Variants in DHRS11 observed in about 807,000 individuals in gnomAD.
The protein encoded by DHRS11 is dehydrogenase/reductase 11, also known as dehydrogenase/reductase SDR family member 11.
DHRS11 carries 18 observed loss-of-function variants against 30.7 expected under a neutral mutation model. The ratio of observed to expected loss-of-function variants is 0.59; its 90% CI spans 0.41 to 0.87. DHRS11 has a LOEUF of 0.87. Among genes scored for constraint, DHRS11 ranks in the 40% least tolerant of loss-of-function variants. The pLI is 0.00. For missense variants in DHRS11, 300 were observed against 349.0 expected (o/e 0.86, Z 1.12); for synonymous variants, 123 against 139.6 (o/e 0.88, Z 0.84).
intron 2 of DHRS11, 78 bp from the exon 3 acceptor site, chr17:36,598,085 C>T (rs1453407061): frequency 2.1e-6 from 3 of 1,450,422 alleles, no homozygotes; most frequent in South Asian, 1.1e-5. Flanking sequence ...GCCCCCTTCC[C>T]CCCTAGCATT....
At chr17:36,594,428 A>G (rs958346155) in intron 1 of DHRS11, among the ~76,000 whole-genome samples, 3 of 150,846 alleles carry the variant, frequency 2.0e-5, no homozygotes, top group Non-Finnish European at 4.4e-5. Context: ...ACTTGAGTTT[A>G]TTTATTTATT....
At chr17:36,595,540 C>G (rs372302653) in intron 2 of DHRS11, among the ~76,000 whole-genome samples, 4 of 149,478 alleles carry the variant, frequency 2.7e-5, no homozygotes, top group East Asian at 2.0e-4. Context: ...CTGCTTGAGC[C>G]TCCTGAGTAG....
At chr17:36,598,284 A>G in intron 3 of DHRS11, 27 bp downstream of exon 3, 1 of 1,604,616 alleles carries the variant, frequency 6.2e-7, no homozygotes, top group Non-Finnish European at 8.5e-7. Flanking sequence ...AATGGGTACC[A>G]CTCACCCACC....
Position 36,592,192 on chromosome 17 carries a change from G to T in DHRS11, c.147+36G>T. The T allele has an allele frequency of 8.0e-7, 1 of 1,254,432 alleles. No individual in the cohort carries two copies. The allele number at this position is 1,254,432 out of a possible 1,614,324, so 77.7% of individuals were successfully genotyped here. ...GCCGAGGGCGGGGACGTCGCGGGCG[G>T]GTCGTTTCCCCGGAGTCGGGTTCAC... On this transcript the variant is annotated intron_variant, in intron 1 of 6. Transcript: ENST00000618403. This position sits in a 1 kb window ranked among gnomAD's most constrained non-coding sequence, Gnocchi z 4.4.
At chr17:36,598,088 C>A in intron 2 of DHRS11, 75 bp from the exon 3 acceptor site, 1 of 1,485,886 alleles carries the variant, frequency 6.7e-7, no homozygotes, top group Non-Finnish European at 9.4e-7. Context: ...CCCTTCCCCC[C>A]TAGCATTCTG....
Position 36,598,270 on chromosome 17 carries a change from G to A in DHRS11, c.452+13G>A. ...TTAACATCAATAGGTGAGGGCAGGTGGCCAATGGGTACCACTCACCCACCA... is the reference window on the plus strand; with the variant it reads ...TTAACATCAATAGGTGAGGGCAGGTAGCCAATGGGTACCACTCACCCACCA... On this transcript the variant is annotated intron_variant, in intron 3 of 6. Transcript: ENST00000618403. 2 of 1,613,164 alleles carry A rather than the reference G, an allele frequency of 1.2e-6. No homozygotes were observed. Among genetic ancestry groups the A allele is most frequent in the Admixed American group, 1.7e-5 (1 of 59,994 alleles).
In DHRS11 at chr17:36,596,968, A is replaced by G. The variant is rs556865475; in HGVS notation, c.358-1195A>G. 2.0e-4 allele frequency: 91 copies of G among 448,230 alleles called. No homozygotes were observed. The East Asian group carries it at 5.7e-3, about 28-fold the overall frequency. 27.8% of individuals were successfully genotyped at this position (448,230 alleles called of 1,614,324 possible). A position where few individuals can be genotyped will look rare whatever the true frequency, so the allele number is the denominator to read the frequency against. On this transcript the variant is annotated intron_variant, in intron 2 of 6. Coordinates refer to ENST00000618403, the MANE Select transcript of DHRS11 (RefSeq NM_024308.4). The stretch of plus-strand genomic sequence containing the variant: ...CCTGGACCTCAACTCGCCCATCTGT[A>G]AAATGAGGGACTTACATTAAATTCC...
chr17:36,596,763 A>G, intron 2 of DHRS11: 3 of 470,902 alleles, frequency 6.4e-6, no homozygotes, highest in South Asian at 4.6e-5. Context: ...TATCCTGAGA[A>G]GTTGAAAGCA....
At position 36,600,322 on chromosome 17, in the gene DHRS11, G is replaced by A. The variant is rs1599571173; in HGVS notation, c.*119G>A. 2 of 1,218,426 alleles carry A rather than the reference G, an allele frequency of 1.6e-6. No individual in the cohort carries two copies. Among genetic ancestry groups the A allele is most frequent in the Non-Finnish European group, 2.3e-6 (2 of 864,372 alleles). The allele number at this position is 1,218,426 out of a possible 1,614,324, so 75.5% of individuals were successfully genotyped here. Reference sequence around the variant, plus strand: ...CTTCCTGTCCACACCCCGACCAGGGGCTAGAAAATTTGTTTGAGATTTTTA... The same window carrying A: ...CTTCCTGTCCACACCCCGACCAGGGACTAGAAAATTTGTTTGAGATTTTTA... On this transcript the variant is annotated 3_prime_UTR_variant, in exon 7 of 7. Transcript: ENST00000618403.
rs1286650774 is a variant in DHRS11 at position 36,594,951 on chromosome 17, A to G, written c.148-20A>G. The stretch of plus-strand genomic sequence containing the variant: ...GGAGTGAGCTGCTCACCCCAGTCAG[A>G]CCCCTGTTGGGTTTCATAGGAGCTG... On this transcript the variant is annotated intron_variant, in intron 1 of 6. Coordinates refer to ENST00000618403, the MANE Select transcript of DHRS11 (RefSeq NM_024308.4). 1 of 1,613,664 alleles carries G rather than the reference A, an allele frequency of 6.2e-7. No homozygotes were observed. The highest frequency in any genetic ancestry group is 2.2e-5 in the East Asian group (1 of 44,900).
chr17:36,595,493 C>A (rs990295941), intron 2 of DHRS11, among the ~76,000 whole-genome samples: 1 of 138,146 alleles, frequency 7.2e-6, no homozygotes, highest in African/African-American at 2.7e-5. Context: ...GATCTCTGCT[C>A]ACTGCAACTT....
intron 5 of DHRS11, 57 bp from the exon 6 acceptor site, chr17:36,599,915 G>A: frequency 6.3e-7 from 1 of 1,598,716 alleles, no homozygotes; most frequent in Non-Finnish European, 8.5e-7. Context: ...CTCAGTGGTG[G>A]GAGGGAATTT....
At chr17:36,594,907 G>A (rs1336254958) in intron 1 of DHRS11, 64 bp from the exon 2 acceptor site, 1 of 1,574,756 alleles carries the variant, frequency 6.4e-7, no homozygotes, top group African/African-American at 1.3e-5. Flanking sequence ...CGGGGTCTGA[G>A]GCTGGCTAGG....
Position 36,591,938 on chromosome 17 carries a change from G to T in DHRS11, c.-72G>T. 8.2e-7 allele frequency: 1 copy of T among 1,216,564 alleles called. No individual in the cohort carries two copies. The highest frequency in any genetic ancestry group is 1.0e-6 in the Non-Finnish European group (1 of 977,658). The allele number at this position is 1,216,564 out of a possible 1,614,324, so 75.4% of individuals were successfully genotyped here. A position where few individuals can be genotyped will look rare whatever the true frequency, so the allele number is the denominator to read the frequency against. On this transcript the variant is annotated 5_prime_UTR_variant, in exon 1 of 7. Transcript: ENST00000618403. The stretch of plus-strand genomic sequence containing the variant: ...AAGCAGGTCGGCGGCGGCGGCAGGA[G>T]AGCGGCCGGGCGTCAGCTCCTCGAC...
chr17:36,592,623 A>T lies in DHRS11; in HGVS notation c.147+467A>T, dbSNP rs988796874. Among the ~76,000 whole-genome samples the T allele has an allele frequency of 1.3e-5, 2 of 152,184 alleles. No individual in the cohort carries two copies. Among genetic ancestry groups the T allele is most frequent in the African/African-American group, 4.8e-5 (2 of 41,464 alleles). On this transcript the variant is annotated intron_variant, in intron 1 of 6. Transcript: ENST00000618403. The surrounding 1 kb of genome is among the most constrained non-coding windows in gnomAD (Gnocchi z 4.4). ...CGCCCCCTCACCTCGGGGGTAACTCATGCCCAGTGGCATGAGGAATGAATG... is the reference window on the plus strand; with the variant it reads ...CGCCCCCTCACCTCGGGGGTAACTCTTGCCCAGTGGCATGAGGAATGAATG...
At chr17:36,599,575 G>A in intron 4 of DHRS11, 96 bp from the exon 5 acceptor site, 2 of 1,290,768 alleles carry the variant, frequency 1.5e-6, no homozygotes, top group Non-Finnish European at 2.2e-6. Context: ...AGCCATCACT[G>A]TGAAGCTGGG....
chr17:36,595,141 G>T lies in DHRS11; in HGVS notation c.318G>T (p.Leu106=). 2 of 1,613,964 alleles carry T rather than the reference G, an allele frequency of 1.2e-6. No individual in the cohort carries two copies. Among genetic ancestry groups the T allele is most frequent in the East Asian group, 4.5e-5 (2 of 44,880 alleles). Residue 106 remains leucine (L), a synonymous_variant, in exon 2 of 7, where the codon CTG becomes CTT. Coordinates refer to ENST00000618403, the MANE Select transcript of DHRS11 (RefSeq NM_024308.4). The part of the protein sequence containing the change: ...NNAGLARPDT[L]LSGSTSGWKD... ...CTGGCTTGGCCCGGCCTGACACCCT[G>T]CTCTCAGGCAGCACCAGTGGTTGGA...
rs1003107862 is a variant in DHRS11, at chr17:36,596,515, C to G, written c.357+1335C>G. ...AGTCTGATTTTATGTGACACCCCCC[C>G]ACTCCCATTCACTAAAATGACAGCT... On this transcript the variant is annotated intron_variant, in intron 2 of 6. Coordinates refer to ENST00000618403, the MANE Select transcript of DHRS11 (RefSeq NM_024308.4). 18 of 213,996 alleles carry G rather than the reference C, an allele frequency of 8.4e-5. No homozygotes were observed. In the Admixed American group the frequency reaches 9.1e-4, roughly 11 times the overall value. The allele number at this position is 213,996 out of a possible 1,614,324, so 13.3% of individuals were successfully genotyped here. A position where few individuals can be genotyped will look rare whatever the true frequency, so the allele number is the denominator to read the frequency against.
intron 2 of DHRS11, chr17:36,597,289 C>G (rs2074818479): frequency 6.0e-6 from 1 of 166,440 alleles, no homozygotes; most frequent in Non-Finnish European, 1.3e-5. Context: ...ATGGCAGGCT[C>G]TGCCACCTGA....
Sources: gnomAD v4.1 joint callset for allele counts (sites outside exome capture counted in the v4.1 genomes callset) on GRCh38, gnomAD v4.1.1 for gene constraint, Gnocchi (gnomAD v3.1) non-coding constraint, MANE v1.5 for transcripts, NCBI Gene and HGNC (gene_info 2026-07-23, HGNC 2026-07-21) for gene names.